The following ZNF83 variants were observed in gnomAD, a reference collection of about 807,000 sequenced individuals.
ZNF83 encodes zinc finger protein 83.
For missense variants in ZNF83, 552 were observed against 629.9 expected, an observed-to-expected ratio of 0.88 and a Z score of 1.32; for synonymous variants, 209 against 213.0, an observed-to-expected ratio of 0.98 and a Z score of 0.17.
chr19:52,657,151 A>C (rs1252010497), intron 2 of ZNF83, among the ~76,000 whole-genome samples: 1 of 151,810 alleles, frequency 6.6e-6, no homozygotes, highest in Non-Finnish European at 1.5e-5. Context: ...TCATTGAATT[A>C]AGAGACAACT....
chr19:52,626,758 C>T (rs147915666), intron 2 of ZNF83, among the ~76,000 whole-genome samples: 1,534 of 152,230 alleles, frequency 0.01, 19 homozygotes, highest in Non-Finnish European at 0.016. Flanking sequence ...AAGGTGTCCA[C>T]GCAGCTCCTA....
intron 1 of ZNF83, among the ~76,000 whole-genome samples, chr19:52,689,484 T>C (rs1176476386): frequency 6.6e-6 from 1 of 152,112 alleles, no homozygotes; most frequent in African/African-American, 2.4e-5. Context: ...CTCTGCTCTG[T>C]CTGCCCTGGC....
chr19:52,616,563 G>A (rs2060312749), intron 2 of ZNF83, among the ~76,000 whole-genome samples: 1 of 152,168 alleles, frequency 6.6e-6, no homozygotes, highest in South Asian at 2.1e-4. Flanking sequence ...AACGAGGTTG[G>A]CAGGACACAG....
At chr19:52,659,328 G>C (rs1490034718) in intron 2 of ZNF83, among the ~76,000 whole-genome samples, 1 of 152,150 alleles carries the variant, frequency 6.6e-6, no homozygotes, top group Non-Finnish European at 1.5e-5. Flanking sequence ...TAATCAGTAA[G>C]TCATTGGTGC....
At chr19:52,614,539 T>C (rs1306142328) in exon 3 of ZNF83, 1 of 1,600,018 alleles carries the variant, frequency 6.2e-7, no homozygotes, top group African/African-American at 1.3e-5. Context: ...AGGCTGCTTT[T>C]GTGCATCATC....
At chr19:52,681,303 CA>C (rs1189423006) in intron 1 of ZNF83, among the ~76,000 whole-genome samples, 4 of 78,290 alleles carry the variant, frequency 5.1e-5, no homozygotes, top group Admixed American at 4.6e-4. Context: ...AAAAAAAAAG[CA>C]AACGAACATA....
At chr19:52,672,466 C>T (rs926696006) in intron 1 of ZNF83, among the ~76,000 whole-genome samples, 2 of 152,074 alleles carry the variant, frequency 1.3e-5, no homozygotes, top group African/African-American at 4.8e-5. Flanking sequence ...AGCATAATGT[C>T]GTCAGGCATG....
chr19:52,623,994 C>T (rs570953808), intron 2 of ZNF83, among the ~76,000 whole-genome samples: 1 of 152,220 alleles, frequency 6.6e-6, no homozygotes, highest in East Asian at 1.9e-4. Flanking sequence ...ATGCTTTTTT[C>T]ACTATTCCCC....
At chr19:52,690,193 A>AC (rs1409922094) in intron 1 of ZNF83, among the ~76,000 whole-genome samples, 1 of 151,562 alleles carries the variant, frequency 6.6e-6, no homozygotes, top group African/African-American at 2.4e-5. Flanking sequence ...AAAAAAAAAA[A>AC]AAAAACAACA....
At chr19:52,618,695 C>T in intron 2 of ZNF83, 1 of 721,462 alleles carries the variant, frequency 1.4e-6, no homozygotes, top group Non-Finnish European at 2.1e-6. Context: ...CCACGCCTTG[C>T]CAGCCATAAG....
chr19:52,631,449 G>A (rs2060957643), intron 2 of ZNF83, among the ~76,000 whole-genome samples: 3 of 152,138 alleles, frequency 2.0e-5, no homozygotes, highest in Admixed American at 2.0e-4. Context: ...AATACTTTTA[G>A]AGGCCCTCAA....
intron 2 of ZNF83, among the ~76,000 whole-genome samples, chr19:52,619,219 T>TTTGA (rs1266948395): frequency 1.1e-4 from 16 of 151,854 alleles, no homozygotes; most frequent in Admixed American, 3.3e-4. Flanking sequence ...CCCAGTGGTG[T>TTTGA]TTGATTATAC....
chr19:52,613,027 T>A, exon 3 of ZNF83: 1 of 1,597,470 alleles, frequency 6.3e-7, no homozygotes, highest in Non-Finnish European at 8.5e-7. Flanking sequence ...ATTACATGTG[T>A]TAGATTTCTT....
At chr19:52,635,128 G>A in exon 2 of ZNF83, 2 of 676,246 alleles carry the variant, frequency 3.0e-6, no homozygotes, top group Non-Finnish European at 5.3e-6. Flanking sequence ...TCTTCCTCAT[G>A]TACCAAGAGT....
At chr19:52,680,256 A>G (rs1324386026) in intron 1 of ZNF83, among the ~76,000 whole-genome samples, 3 of 152,122 alleles carry the variant, frequency 2.0e-5, no homozygotes, top group Admixed American at 6.6e-5. Flanking sequence ...CAAGATAGAC[A>G]AGAGCAGATT....
At chr19:52,614,475 TAGCTGC>T in exon 3 of ZNF83, 2 of 1,612,706 alleles carry the variant, frequency 1.2e-6, no homozygotes, top group Non-Finnish European at 1.7e-6. Flanking sequence ...CAGCTTGAAA[TAGCTGC>T]AGTTCTGGTA....
At chr19:52,670,387 G>C (rs2061709299) in intron 1 of ZNF83, among the ~76,000 whole-genome samples, 1 of 152,202 alleles carries the variant, frequency 6.6e-6, no homozygotes, top group Non-Finnish European at 1.5e-5. Flanking sequence ...AGGGCCATGT[G>C]CATCAGAAAT....
intron 2 of ZNF83, among the ~76,000 whole-genome samples, chr19:52,656,864 CAAAAAAAAAAAAAA>C (rs112522632): frequency 0.6 from 81,877 of 137,214 alleles, 23,071 homozygotes; most frequent in East Asian, 0.75. Flanking sequence ...GACTCCGTCT[CAAAAAAAAAAAAAA>C]AAAAAAAATC....
At chr19:52,684,101 G>A (rs941729057) in intron 1 of ZNF83, among the ~76,000 whole-genome samples, 1 of 152,108 alleles carries the variant, frequency 6.6e-6, no homozygotes, top group African/African-American at 2.4e-5. Flanking sequence ...TGGGTGCAGG[G>A]CTCATGCCTG....
Sources: gnomAD v4.1 joint callset for allele counts (sites outside exome capture counted in the v4.1 genomes callset) on GRCh38, gnomAD v4.1.1 for gene constraint, MANE v1.5 for transcripts, NCBI Gene and HGNC (gene_info 2026-07-23, HGNC 2026-07-21) for gene names.